Variants in CPED1 observed in about 807,000 individuals in gnomAD.
CPED1 encodes cadherin like and PC-esterase domain containing 1, also known as cadherin-like and PC-esterase domain-containing protein 1.
Under a neutral mutation model 128.2 loss-of-function variants are expected in CPED1, and 114 were observed. The ratio of observed to expected loss-of-function variants is 0.89; its 90% CI spans 0.76 to 1.04. The LOEUF (loss-of-function observed/expected upper bound fraction) is 1.04, where lower values mean the gene tolerates loss of function less well. Among genes scored for constraint, CPED1 ranks in the 50% least tolerant of loss-of-function variants. CPED1 has a pLI of 0.00. For synonymous variants in CPED1, 462 were observed against 426.7 expected, an observed-to-expected ratio of 1.08 and a Z score of -1.02; for missense variants, 1,211 against 1,207.1, an observed-to-expected ratio of 1.00 and a Z score of -0.05.
intron 5 of CPED1, among the ~76,000 whole-genome samples, chr7:121,073,908 A>G (rs116133704): frequency 1.1e-4 from 17 of 150,872 alleles, no homozygotes; most frequent in African/African-American, 3.7e-4. Context: ...ATTGGGACAC[A>G]GTTTTCTCCA....
At chr7:121,063,794 T>C (rs1317200627) in intron 4 of CPED1, among the ~76,000 whole-genome samples, 1 of 152,122 alleles carries the variant, frequency 6.6e-6, no homozygotes, top group Admixed American at 6.5e-5. Context: ...CAAGTTTTGG[T>C]TGAAGTGAAG....
chr7:121,097,225 A>G (rs1262599753), intron 5 of CPED1, among the ~76,000 whole-genome samples: 2 of 152,222 alleles, frequency 1.3e-5, no homozygotes, highest in Non-Finnish European at 2.9e-5. Context: ...ATAAGACAAT[A>G]AAGCCCTGTT....
chr7:121,194,538 G>C (rs1207863976), intron 16 of CPED1, among the ~76,000 whole-genome samples: 1 of 151,962 alleles, frequency 6.6e-6, no homozygotes, highest in Non-Finnish European at 1.5e-5. Context: ...TCATTTACCA[G>C]CTGTATGGTT....
In CPED1 at chr7:121,295,862, C is replaced by T. The variant is rs1398480854; in HGVS notation, c.*210C>T. 1 of 467,666 alleles carries T rather than the reference C, an allele frequency of 2.1e-6. No homozygotes were observed. 29.0% of individuals were successfully genotyped at this position (467,666 alleles called of 1,614,324 possible). On this transcript the variant is annotated 3_prime_UTR_variant, in exon 23 of 23. Transcript: ENST00000310396. ...GAATTCAAGATGTGACCTTGAACAC[C>T]AGTCCATTTCACAGTGAAAGATATA...
chr7:121,277,809 C>G (rs1207231427), intron 22 of CPED1, among the ~76,000 whole-genome samples: 1 of 152,080 alleles, frequency 6.6e-6, no homozygotes, highest in Non-Finnish European at 1.5e-5. Flanking sequence ...GAAAGAAACT[C>G]CTGGAAACAC....
intron 4 of CPED1, among the ~76,000 whole-genome samples, chr7:121,061,365 T>G: frequency 6.6e-6 from 1 of 152,204 alleles, no homozygotes; most frequent in Non-Finnish European, 1.5e-5. Flanking sequence ...AATGTCTGTG[T>G]ATAAATATAC....
intron 16 of CPED1, among the ~76,000 whole-genome samples, chr7:121,179,101 G>T (rs555563315): frequency 6.6e-6 from 1 of 152,114 alleles, no homozygotes; most frequent in African/African-American, 2.4e-5. Context: ...TCAAAATGGA[G>T]TGATCAGTGA....
intron 5 of CPED1, among the ~76,000 whole-genome samples, chr7:121,091,530 A>G (rs1366805119): frequency 1.3e-5 from 2 of 152,180 alleles, no homozygotes; most frequent in African/African-American, 4.8e-5. Flanking sequence ...ACTCTTTGAA[A>G]TTTCCGAAGT....
chr7:121,051,090 G>A (rs1793341019), intron 4 of CPED1: 1 of 525,820 alleles, frequency 1.9e-6, no homozygotes, highest in Admixed American at 2.2e-5. Context: ...AGGGAAAACA[G>A]GCCAAAGTGG....
chr7:121,085,817 T>C (rs1351955898), intron 5 of CPED1, among the ~76,000 whole-genome samples: 2 of 152,206 alleles, frequency 1.3e-5, no homozygotes, highest in Admixed American at 1.3e-4. Context: ...AAAAAATAGA[T>C]GTATTTTCTA....
chr7:121,288,879 AT>A (rs1162810176), intron 22 of CPED1, among the ~76,000 whole-genome samples: 1 of 152,214 alleles, frequency 6.6e-6, no homozygotes, highest in Non-Finnish European at 1.5e-5. Context: ...TCAAGGTCGA[AT>A]GTTATATTTA....
intron 17 of CPED1, 144 bp from the exon 18 acceptor site, chr7:121,244,058 T>G: frequency 1.1e-6 from 1 of 929,912 alleles, no homozygotes; most frequent in Non-Finnish European, 1.7e-6. Flanking sequence ...CAGGAAGCCA[T>G]GCCTTCATTA....
intron 7 of CPED1, among the ~76,000 whole-genome samples, chr7:121,107,789 A>G (rs1795014455): frequency 6.6e-6 from 1 of 152,080 alleles, no homozygotes; most frequent in African/African-American, 2.4e-5. Flanking sequence ...CATTTTTGAG[A>G]TTTTTATTAA....
Position 121,166,155 on chromosome 7 carries a change from C to T in CPED1, c.2055+24014C>T, listed in dbSNP as rs539000739. Among the ~76,000 whole-genome samples, 283 of 152,088 alleles carry T rather than the reference C, an allele frequency of 1.9e-3. 1 individual carries two copies. Among genetic ancestry groups the T allele is most frequent in the African/African-American group, 6.3e-3 (263 of 41,494 alleles). On this transcript the variant is annotated intron_variant, in intron 16 of 22. Coordinates refer to ENST00000310396, the MANE Select transcript of CPED1 (RefSeq NM_024913.5). Reference sequence around the variant, plus strand: ...AAAAAACAAAAAAAAAACATTTCACCAGAAGACCACATTTTGTATGTTATT... The same window carrying T: ...AAAAAACAAAAAAAAAACATTTCACTAGAAGACCACATTTTGTATGTTATT...
At chr7:120,995,917 TTCTCC>T (rs1796391167) in intron 2 of CPED1, among the ~76,000 whole-genome samples, 2 of 148,776 alleles carry the variant, frequency 1.3e-5, no homozygotes, top group African/African-American at 2.5e-5. Flanking sequence ...CTTCTTCTCC[TTCTCC>T]TCCTCCTTCT....
At chr7:121,064,339 C>T in intron 5 of CPED1, 26 bp downstream of exon 5, 1 of 1,529,294 alleles carries the variant, frequency 6.5e-7, no homozygotes, top group Non-Finnish European at 9.1e-7. Context: ...CTTCCTTAGG[C>T]TTAAACATGT....
At chr7:121,173,152 T>C (rs1796693348) in intron 16 of CPED1, among the ~76,000 whole-genome samples, 1 of 152,148 alleles carries the variant, frequency 6.6e-6, no homozygotes, top group African/African-American at 2.4e-5. Context: ...TGTAACAAAA[T>C]AATACAAAAT....
chr7:121,289,321 T>A (rs1792644586), intron 22 of CPED1, among the ~76,000 whole-genome samples: 1 of 152,204 alleles, frequency 6.6e-6, no homozygotes, highest in South Asian at 2.1e-4. Context: ...TGTGAATAGT[T>A]TCAAAATTTT....
chr7:121,190,282 G>A (rs1364729098), intron 16 of CPED1, among the ~76,000 whole-genome samples: 1 of 151,434 alleles, frequency 6.6e-6, no homozygotes, highest in Admixed American at 6.6e-5. Flanking sequence ...AAGCCCTGGG[G>A]TGTGCACATG....
Sources: allele counts gnomAD v4.1 joint callset (sites outside exome capture counted in the v4.1 genomes callset), GRCh38; gene constraint gnomAD v4.1.1; transcripts MANE v1.5; gene names NCBI Gene and HGNC (gene_info 2026-07-23, HGNC 2026-07-21).